Variants in BBOF1 observed in about 807,000 individuals in gnomAD.
BBOF1 encodes the protein basal body orientation factor 1, also known as basal body-orientation factor 1.
In BBOF1, 62 loss-of-function variants were observed where a neutral mutation model predicts 68.0. The ratio of observed to expected loss-of-function variants is 0.91; its 90% confidence interval spans 0.74 to 1.13. BBOF1 has a LOEUF of 1.13. Ranked by LOEUF, BBOF1 falls within the 50% of genes most tolerant of loss-of-function variation. The pLI, the probability that BBOF1 is intolerant of heterozygous loss-of-function variation, is 0.00. For synonymous variants in BBOF1, 208 were observed against 198.8 expected, an observed-to-expected ratio of 1.05 and a Z score of -0.39; for missense variants, 534 against 600.1, an observed-to-expected ratio of 0.89 and a Z score of 1.15.
In BBOF1 at chr14:74,065,100, A is replaced by G. The variant is rs575169761; in HGVS notation, c.*401A>G. On this transcript the variant is annotated 3_prime_UTR_variant, in exon 12 of 12. Transcript: ENST00000394009. ...GAGGTCATGGGGGCAATCTTAAACC[A>G]ATGACTCACCATTATTTACTGTTTC... 31 of 1,543,676 alleles carry G rather than the reference A, an allele frequency of 2.0e-5. No homozygotes were observed. In the African/African-American group the frequency reaches 3.8e-4, roughly 19 times the overall value.
intron 5 of BBOF1, among the ~76,000 whole-genome samples, chr14:74,043,984 G>A (rs557933521): frequency 6.6e-6 from 1 of 151,678 alleles, no homozygotes; most frequent in East Asian, 2.0e-4. Flanking sequence ...GGTGGCTCAC[G>A]CCTATAATCC....
intron 8 of BBOF1, among the ~76,000 whole-genome samples, chr14:74,052,482 TAAA>T (rs1420747955): frequency 6.6e-6 from 1 of 151,208 alleles, no homozygotes; most frequent in Non-Finnish European, 1.5e-5. Flanking sequence ...CCGTCTCTAC[TAAA>T]AATACAAAAA....
intron 8 of BBOF1, 24 bp from the exon 9 acceptor site, chr14:74,055,559 AT>A: frequency 3.9e-6 from 6 of 1,529,014 alleles, no homozygotes; most frequent in East Asian, 2.3e-5. Context: ...TCCTTTTCAC[AT>A]TTTTTTCCTT....
chr14:74,071,071 G>A (rs896380635), downstream of BBOF1: 5 of 1,012,186 alleles, frequency 4.9e-6, no homozygotes, highest in Non-Finnish European at 7.8e-6. Context: ...AAACATGGAG[G>A]TTAAAATGAG....
chr14:74,064,939 G>A lies in BBOF1; in HGVS notation c.*240G>A, dbSNP rs566373950. On this transcript the variant is annotated 3_prime_UTR_variant, in exon 12 of 12. Coordinates refer to ENST00000394009, the MANE Select transcript of BBOF1 (RefSeq NM_025057.3). ...CTCCCACCTAAAACAGAACAAATCC[G>A]TGTCATATCCTAAGGACAAAGGAAC... 29 of 1,603,412 alleles carry A rather than the reference G, an allele frequency of 1.8e-5. No homozygotes were observed. Among genetic ancestry groups the A allele is most frequent in the Middle Eastern group, 1.7e-4 (1 of 6,022 alleles).
At chr14:74,024,600 G>A (rs1339341335) in intron 2 of BBOF1, among the ~76,000 whole-genome samples, 1 of 152,134 alleles carries the variant, frequency 6.6e-6, no homozygotes, top group Non-Finnish European at 1.5e-5. Flanking sequence ...AAGTAGCTGG[G>A]ACTACAGGCA....
At chr14:74,068,411 TAG>T (rs2060502582), downstream of BBOF1, among the ~76,000 whole-genome samples, 1 of 150,264 alleles carries the variant, frequency 6.7e-6, no homozygotes, top group Non-Finnish European at 1.5e-5. Context: ...TAACGTGACT[TAG>T]AATGAAACTC....
intron 9 of BBOF1, chr14:74,075,090 ATAT>A: frequency 1.4e-6 from 2 of 1,399,542 alleles, no homozygotes; most frequent in Non-Finnish European, 2.0e-6. Context: ...AATAGCTACT[ATAT>A]GCTATTTGCT....
At chr14:74,022,693 A>G (rs1778116322) in intron 1 of BBOF1, among the ~76,000 whole-genome samples, 1 of 152,242 alleles carries the variant, frequency 6.6e-6, no homozygotes, top group African/African-American at 2.4e-5. Flanking sequence ...TTATGTGAAT[A>G]CAAGTGAATA....
In BBOF1 at chr14:74,059,040, C is replaced by T. The variant is rs550384718; in HGVS notation, c.1578+1782C>T. 1.3e-3 allele frequency: 208 copies of T among 155,834 alleles called. 1 individual carries two copies. The highest frequency in any genetic ancestry group is 2.4e-3 in the South Asian group (15 of 6,320). The allele number at this position is 155,834 out of a possible 1,614,324, so 9.7% of individuals were successfully genotyped here. A position where few individuals can be genotyped will look rare whatever the true frequency, so the allele number is the denominator to read the frequency against. On this transcript the variant is annotated intron_variant, in intron 11 of 11. Coordinates refer to ENST00000394009, the MANE Select transcript of BBOF1 (RefSeq NM_025057.3). ...CAGAGGTTGCAGTGAGCCAAGATCA[C>T]GCCATTGCACTCTAGCCTGGGCAAC... is the stretch of plus-strand genomic sequence containing the variant.
In BBOF1 at chr14:74,072,622, C is replaced by A. The variant is rs2302126; in HGVS notation, n.1380-5574C>A. On this transcript the variant is annotated intron_variant and non_coding_transcript_variant, in intron 9 of 12. Transcript: ENST00000492026. Reference sequence around the variant, plus strand: ...GAGCTTTACAGTTGGCTGAAAAAAACAAACAAACAAACAAACAAACAAAAA... The same window carrying A: ...GAGCTTTACAGTTGGCTGAAAAAAAAAAACAAACAAACAAACAAACAAAAA... 0.15 allele frequency: 226,097 copies of A among 1,550,662 alleles called. 18,897 individuals carry two copies. The highest frequency in any genetic ancestry group is 0.51 in the East Asian group (22,577 of 43,912).
At chr14:74,071,855 T>C (rs2060553933) in intron 9 of BBOF1, 1 of 1,600,090 alleles carries the variant, frequency 6.2e-7, no homozygotes. Context: ...CCATCTTCCT[T>C]TGGTCCTTCC....
intron 9 of BBOF1, chr14:74,074,890 T>C (rs1235225893): frequency 2.7e-6 from 4 of 1,508,264 alleles, no homozygotes; most frequent in South Asian, 1.1e-5. Flanking sequence ...GTAAAGAAGA[T>C]AGAGATACCC....
chr14:74,035,584 ATT>A lies in BBOF1; in HGVS notation c.495+1440_495+1441del, dbSNP rs71460945. Among the ~76,000 whole-genome samples the A allele has an allele frequency of 8.0e-4, 65 of 81,384 alleles. 2 individuals are homozygous for A. The highest frequency in any genetic ancestry group is 4.9e-3 in the East Asian group (10 of 2,054). 53.4% of individuals were successfully genotyped at this position (81,384 alleles called of 152,430 possible). A position where few individuals can be genotyped will look rare whatever the true frequency, so the allele number is the denominator to read the frequency against. ...AGGCGTGCACCACCACCCCCAGCTAATTTTTTTTTTTTTTTTTTTTTTTTTTT... is the reference window on the plus strand; with the variant it reads ...AGGCGTGCACCACCACCCCCAGCTAATTTTTTTTTTTTTTTTTTTTTTTTT... On this transcript the variant is annotated intron_variant, in intron 4 of 11. Coordinates refer to ENST00000394009, the MANE Select transcript of BBOF1 (RefSeq NM_025057.3).
At chr14:74,032,118 ATTTTT>A (rs780515040) in intron 3 of BBOF1, among the ~76,000 whole-genome samples, 4 of 99,676 alleles carry the variant, frequency 4.0e-5, no homozygotes, top group Admixed American at 1.1e-4. Context: ...CTCAAAGTTG[ATTTTT>A]TTTTTTTTTT....
At chr14:74,062,808 GAA>G (rs71460951) in intron 11 of BBOF1, among the ~76,000 whole-genome samples, 2 of 150,162 alleles carry the variant, frequency 1.3e-5, no homozygotes, top group African/African-American at 2.4e-5. Context: ...AGCTGGCACA[GAA>G]AAAAAAAATC....
At chr14:74,030,999 T>A (rs1359332504) in intron 3 of BBOF1, among the ~76,000 whole-genome samples, 1 of 151,540 alleles carries the variant, frequency 6.6e-6, no homozygotes, top group African/African-American at 2.4e-5. Flanking sequence ...ATAAAATCTT[T>A]CTTAGATAAA....
At chr14:74,020,660 C>A (rs6574156) in intron 1 of BBOF1, among the ~76,000 whole-genome samples, 1 of 152,024 alleles carries the variant, frequency 6.6e-6, no homozygotes, top group African/African-American at 2.4e-5. Flanking sequence ...CCCGTCACCA[C>A]GCCCAGCTAA....
In BBOF1 at chr14:74,056,954, T is replaced by C; in HGVS notation, c.1437T>C (p.Ser479=). ...CTCCAGTTCCAGACTATGTTGTTTC[T>C]GACAGTGGGGAAACAAAGGAATTTG... The part of the protein sequence containing the change: ...SRPPVPDYVV[S]DSGETKEFGD... The change falls in exon 10 of 12, where the codon TCT becomes TCC. Residue 479 remains serine, a synonymous_variant. Coordinates refer to ENST00000394009, the MANE Select transcript of BBOF1 (RefSeq NM_025057.3). 1.9e-6 allele frequency: 3 copies of C among 1,613,844 alleles called. No homozygotes were observed. Among genetic ancestry groups the C allele is most frequent in the South Asian group, 1.1e-5 (1 of 91,058 alleles).
Sources: allele counts gnomAD v4.1 joint callset (sites outside exome capture counted in the v4.1 genomes callset), GRCh38; gene constraint gnomAD v4.1.1; transcripts MANE v1.5; gene names NCBI Gene and HGNC (gene_info 2026-07-23, HGNC 2026-07-21).